SGCZ: variants seen among roughly 807,000 people sequenced by gnomAD.
SGCZ encodes sarcoglycan zeta.
Under a neutral mutation model 41.3 loss-of-function variants are expected in SGCZ, and 40 were observed. The ratio of observed to expected loss-of-function variants is 0.97; its 90% CI spans 0.75 to 1.26. The LOEUF is 1.26. Among genes scored for constraint, SGCZ ranks in the 50% most tolerant of loss-of-function variants. The probability of loss-of-function intolerance (pLI) is 0.00; values close to 1 mark genes in which losing one functional copy is unlikely to be tolerated. For missense variants in SGCZ, 552 were observed against 369.8 expected, an observed-to-expected ratio of 1.49 and a Z score of -4.04; for synonymous variants, 206 against 137.5, an observed-to-expected ratio of 1.50 and a Z score of -3.49.
intron 2 of SGCZ, among the ~76,000 whole-genome samples, chr8:14,364,363 G>A (rs1803627021): frequency 6.6e-6 from 1 of 151,910 alleles, no homozygotes; most frequent in Non-Finnish European, 1.5e-5. Context: ...ATTTTTTTCT[G>A]GTCCACATAC....
At chr8:14,243,168 T>G (rs1798951921) in intron 3 of SGCZ, among the ~76,000 whole-genome samples, 1 of 152,228 alleles carries the variant, frequency 6.6e-6, no homozygotes, top group South Asian at 2.1e-4. Context: ...TGAAAGAACA[T>G]CACTAGTGAC....
intron 2 of SGCZ, among the ~76,000 whole-genome samples, chr8:14,344,318 T>C (rs925721737): frequency 5.3e-5 from 8 of 151,678 alleles, no homozygotes; most frequent in Non-Finnish European, 1.2e-4. Context: ...AAGAAGTCTA[T>C]GAAACTGGAA....
chr8:14,679,634 A>C (rs1808381034), intron 1 of SGCZ, among the ~76,000 whole-genome samples: 1 of 151,970 alleles, frequency 6.6e-6, no homozygotes, highest in African/African-American at 2.4e-5. Context: ...ATAAAGATTT[A>C]TAAATAAAAC....
chr8:15,107,396 A>T (rs1232013526), intron 1 of SGCZ, among the ~76,000 whole-genome samples: 1 of 152,182 alleles, frequency 6.6e-6, no homozygotes, highest in East Asian at 1.9e-4. Context: ...CCTCATGCAT[A>T]GATTAATAAC....
At chr8:14,957,817 A>G (rs1314310239) in intron 1 of SGCZ, among the ~76,000 whole-genome samples, 1 of 152,086 alleles carries the variant, frequency 6.6e-6, no homozygotes, top group African/African-American at 2.4e-5. Flanking sequence ...ACATAAAACA[A>G]AAGTCAAGAA....
intron 1 of SGCZ, among the ~76,000 whole-genome samples, chr8:15,129,244 G>A (rs1463618115): frequency 1.3e-5 from 2 of 152,048 alleles, no homozygotes; most frequent in African/African-American, 2.4e-5. Flanking sequence ...CCCTAATCGC[G>A]TCTATTAATG....
intron 1 of SGCZ, among the ~76,000 whole-genome samples, chr8:14,820,070 A>T (rs1802028194): frequency 6.6e-6 from 1 of 151,970 alleles, no homozygotes; most frequent in African/African-American, 2.4e-5. Context: ...AACATAAGGT[A>T]TAGAGTGGCT....
intron 1 of SGCZ, among the ~76,000 whole-genome samples, chr8:15,218,171 A>C (rs1240031291): frequency 1.3e-5 from 2 of 152,048 alleles, no homozygotes; most frequent in Non-Finnish European, 2.9e-5. Context: ...TTAGTGGGTA[A>C]CTTTTTTAAG....
chr8:15,135,771 C>T (rs191185147), intron 1 of SGCZ, among the ~76,000 whole-genome samples: 16 of 152,120 alleles, frequency 1.1e-4, no homozygotes, highest in African/African-American at 3.6e-4. Flanking sequence ...GGAAATAATT[C>T]GAGGGTGAGC....
At chr8:14,853,974 T>C (rs776802125) in intron 1 of SGCZ, among the ~76,000 whole-genome samples, 3 of 147,122 alleles carry the variant, frequency 2.0e-5, no homozygotes, top group African/African-American at 7.4e-5. Flanking sequence ...ATTTGCCTAC[T>C]CCTAAGTCAT....
intron 2 of SGCZ, among the ~76,000 whole-genome samples, chr8:14,480,550 A>G (rs1801507225): frequency 1.3e-5 from 2 of 151,320 alleles, no homozygotes; most frequent in Non-Finnish European, 2.9e-5. Context: ...AATTCTTTAT[A>G]CTCAATTTAC....
At chr8:14,182,389 G>T (rs1804757736) in intron 4 of SGCZ, among the ~76,000 whole-genome samples, 1 of 152,060 alleles carries the variant, frequency 6.6e-6, no homozygotes. Flanking sequence ...AAGCACAGTA[G>T]GCATAGAGCC....
At chr8:14,966,838 G>C (rs1801142271) in intron 1 of SGCZ, among the ~76,000 whole-genome samples, 3 of 152,098 alleles carry the variant, frequency 2.0e-5, no homozygotes, top group Admixed American at 6.6e-5. Context: ...GAAAGAAAGG[G>C]AATATATGAC....
intron 1 of SGCZ, among the ~76,000 whole-genome samples, chr8:14,866,457 T>C (rs1279362767): frequency 6.6e-6 from 1 of 152,008 alleles, no homozygotes; most frequent in Non-Finnish European, 1.5e-5. Flanking sequence ...AAAACACACA[T>C]CTATGTTTGT....
rs573116400 is a variant in SGCZ, at chr8:14,299,648, C to A, written c.336+24455G>T. On this transcript the variant is annotated intron_variant, in intron 3 of 7. Coordinates refer to ENST00000382080, the MANE Select transcript of SGCZ (RefSeq NM_139167.4). ...ACACTTCTTTAAAAACCTAAACAGACTAATAATACTAAGTGTTGGCAAGGT... is the reference window on the plus strand; with the variant it reads ...ACACTTCTTTAAAAACCTAAACAGAATAATAATACTAAGTGTTGGCAAGGT... Among the ~76,000 whole-genome samples, 34 of 151,936 alleles carry A rather than the reference C, an allele frequency of 2.2e-4. 1 individual carries two copies. The highest frequency in any genetic ancestry group is 7.7e-4 in the African/African-American group (32 of 41,524).
chr8:14,737,688 G>A (rs1164440348), intron 1 of SGCZ, among the ~76,000 whole-genome samples: 2 of 151,924 alleles, frequency 1.3e-5, no homozygotes, highest in African/African-American at 4.8e-5. Flanking sequence ...GTTTTCATAT[G>A]GCCTTCTCTC....
At position 14,449,431 on chromosome 8, in the gene SGCZ, G is replaced by C. The variant is rs1800527570; in HGVS notation, c.234+105301C>G. ...CCAATATTTGACTGATTTTGGGGTG[G>C]GATGAAAGCATGCCTTCAGTTTGTA... On this transcript the variant is annotated intron_variant, in intron 2 of 7. Coordinates refer to ENST00000382080, the MANE Select transcript of SGCZ (RefSeq NM_139167.4). Among the ~76,000 whole-genome samples the C allele has an allele frequency of 3.3e-5, 5 of 152,184 alleles. No homozygotes were observed. The South Asian group carries it at 1.0e-3, about 31-fold the overall frequency.
chr8:15,130,962 G>A (rs1412361841), intron 1 of SGCZ, among the ~76,000 whole-genome samples: 1 of 151,950 alleles, frequency 6.6e-6, no homozygotes, highest in East Asian at 1.9e-4. Context: ...GCTAGATACG[G>A]GGCTTACAAA....
At chr8:14,730,707 G>A (rs545969626) in intron 1 of SGCZ, among the ~76,000 whole-genome samples, 1 of 151,804 alleles carries the variant, frequency 6.6e-6, no homozygotes, top group East Asian at 1.9e-4. Context: ...GGGCCAACAT[G>A]TTCACCAAGG....
Sources: allele counts gnomAD v4.1 joint callset (sites outside exome capture counted in the v4.1 genomes callset), GRCh38; gene constraint gnomAD v4.1.1; transcripts MANE v1.5; gene names NCBI Gene and HGNC (gene_info 2026-07-23, HGNC 2026-07-21).